Variants in WDR33 observed in about 807,000 individuals in gnomAD.
WDR33 encodes WD repeat domain 33.
WDR33 carries 47 observed loss-of-function variants against 164.9 expected under a neutral mutation model. The observed-to-expected ratio is 0.29, with a 90% confidence interval of 0.23 to 0.36. The LOEUF (loss-of-function observed/expected upper bound fraction) is 0.36, where lower values mean the gene tolerates loss of function less well. WDR33 is among the 10% of genes least tolerant of loss of function. The pLI, the probability that WDR33 is intolerant of heterozygous loss-of-function variation, is 1.00. For synonymous variants in WDR33, 505 were observed against 589.0 expected, an observed-to-expected ratio of 0.86 and a Z score of 2.06; for missense variants, 1,137 against 1,754.1, an observed-to-expected ratio of 0.65 and a Z score of 6.28.
chr2:127,750,666 AAAAAAAAAAAAATAT>A (rs1360188313), intron 7 of WDR33, among the ~76,000 whole-genome samples: 3 of 70,424 alleles, frequency 4.3e-5, no homozygotes, highest in East Asian at 3.8e-4. Flanking sequence ...AAAAAAAAAA[AAAAAAAAAAAAATAT>A]ATATATATAT....
chr2:127,728,411 A>G (rs1208485288), intron 7 of WDR33, among the ~76,000 whole-genome samples: 4 of 152,226 alleles, frequency 2.6e-5, no homozygotes, highest in African/African-American at 9.6e-5. Flanking sequence ...AAAGCCAAGA[A>G]GTCTAGACAC....
chr2:127,783,410 T>A (rs1688440420), intron 1 of WDR33, among the ~76,000 whole-genome samples: 1 of 152,142 alleles, frequency 6.6e-6, no homozygotes, highest in Admixed American at 6.6e-5. Flanking sequence ...CAGTGGAGAC[T>A]AATGTCAGGG....
At chr2:127,757,706 A>G (rs72846263) in intron 7 of WDR33, among the ~76,000 whole-genome samples, 9,989 of 152,294 alleles carry the variant, frequency 0.066, 439 homozygotes, top group Middle Eastern at 0.16. Context: ...AAAACCTTAT[A>G]GAAATAAATT....
Position 127,723,055 on chromosome 2 carries a change from TA to T in WDR33, c.1292-12del. On this transcript the variant is annotated splice_polypyrimidine_tract_variant and intron_variant, in intron 12 of 21. Coordinates refer to ENST00000322313, the MANE Select transcript of WDR33 (RefSeq NM_018383.5). This position sits in a 1 kb window ranked among gnomAD's most constrained non-coding sequence, Gnocchi z 5.9. ...TAGGTTCGAGGTCATCTATAAATAG[TA>T]ATACACCATTGTCAATAGAGAATTT... 1.3e-6 allele frequency: 2 copies of T among 1,593,690 alleles called. No individual in the cohort carries two copies. The highest frequency in any genetic ancestry group is 2.3e-5 in the South Asian group (2 of 86,624).
chr2:127,778,310 G>A (rs1037181195), intron 1 of WDR33, among the ~76,000 whole-genome samples: 4 of 151,812 alleles, frequency 2.6e-5, no homozygotes, highest in African/African-American at 4.8e-5. Flanking sequence ...GGTGGCTGAC[G>A]CCTGTAATCC....
chr2:127,799,837 T>C (rs895687327), intron 1 of WDR33, among the ~76,000 whole-genome samples: 7 of 152,332 alleles, frequency 4.6e-5, no homozygotes, highest in African/African-American at 1.7e-4. Flanking sequence ...GAGGCTGCAG[T>C]GCACTGTGAT....
chr2:127,782,879 G>A (rs914157893), intron 1 of WDR33, among the ~76,000 whole-genome samples: 6 of 152,104 alleles, frequency 3.9e-5, no homozygotes, highest in African/African-American at 1.4e-4. Flanking sequence ...TGTGGTGGCA[G>A]GCGCCTGTAG....
chr2:127,751,013 C>T (rs1687342788), intron 7 of WDR33, among the ~76,000 whole-genome samples: 1 of 151,562 alleles, frequency 6.6e-6, no homozygotes, highest in Non-Finnish European at 1.5e-5. Context: ...TGGGAACTTA[C>T]ATTTGCATGG....
At position 127,713,609 on chromosome 2, in the gene WDR33, T is replaced by C; in HGVS notation, c.3282A>G (p.Pro1094=). The part of the protein sequence containing the change: ...DERFPRDPED[P]RFRGRREESF... ...TTTCTTCTCTGCGCCCTCGAAAACG[T>C]GGGTCCTCGGGATCCCGGGGGAAAC... Residue 1094 remains proline (P), a synonymous_variant, in exon 18 of 22, where the codon CCA becomes CCG. Transcript: ENST00000322313. The surrounding 1 kb of genome is among the most constrained non-coding windows in gnomAD (Gnocchi z 6.2). 1 of 1,614,220 alleles carries C rather than the reference T, an allele frequency of 6.2e-7. No individual in the cohort carries two copies.
intron 7 of WDR33, among the ~76,000 whole-genome samples, chr2:127,749,281 T>A (rs561326816): frequency 1.1e-4 from 17 of 152,210 alleles, no homozygotes; most frequent in South Asian, 8.3e-4. Context: ...CTCCAGTGAG[T>A]TGTGATCGTG....
Position 127,724,226 on chromosome 2 carries a change from A to G in WDR33, c.1196+107T>C. On this transcript the variant is annotated intron_variant, in intron 11 of 21. Transcript: ENST00000322313. This position sits in a 1 kb window ranked among gnomAD's most constrained non-coding sequence, Gnocchi z 4.8. ...CACTACAAAAATATTCCCAAGAATA[A>G]GTTGGAATATAAATTACTATATCAA... 1.3e-6 allele frequency: 1 copy of G among 777,282 alleles called. No individual in the cohort carries two copies. The highest frequency in any genetic ancestry group is 2.9e-5 in the East Asian group (1 of 34,834). 48.1% of individuals were successfully genotyped at this position (777,282 alleles called of 1,614,324 possible).
In WDR33 at chr2:127,724,253, C is replaced by A; in HGVS notation, c.1196+80G>T. 1.8e-6 allele frequency: 2 copies of A among 1,102,430 alleles called. No individual in the cohort carries two copies. Among genetic ancestry groups the A allele is most frequent in the Admixed American group, 2.3e-5 (1 of 43,870 alleles). The allele number at this position is 1,102,430 out of a possible 1,614,324, so 68.3% of individuals were successfully genotyped here. A position where few individuals can be genotyped will look rare whatever the true frequency, so the allele number is the denominator to read the frequency against. On this transcript the variant is annotated intron_variant, in intron 11 of 21. Coordinates refer to ENST00000322313, the MANE Select transcript of WDR33 (RefSeq NM_018383.5). This position sits in a 1 kb window ranked among gnomAD's most constrained non-coding sequence, Gnocchi z 4.8. ...TTGGAATATAAATTACTATATCAAT[C>A]AACCAATAAAAATAAACACATACAG...
chr2:127,786,166 T>A (rs1393995729), intron 1 of WDR33, among the ~76,000 whole-genome samples: 1 of 152,218 alleles, frequency 6.6e-6, no homozygotes, highest in Admixed American at 6.5e-5. Context: ...CCTGAGTAGC[T>A]AAGCCCACAG....
At chr2:127,786,574 A>G (rs1688581162) in intron 1 of WDR33, among the ~76,000 whole-genome samples, 1 of 152,154 alleles carries the variant, frequency 6.6e-6, no homozygotes, top group Non-Finnish European at 1.5e-5. Context: ...TCCCAGCTAC[A>G]CAGGAGGCTA....
Position 127,720,246 on chromosome 2 carries a change from T to A in WDR33, c.1779A>T (p.Pro593=). ...GAAAACCTTGAGGAATCTGAGACAT[T>A]GGACCTTGTCCTGGAAAAGGCTGGG... is the stretch of plus-strand genomic sequence containing the variant. ...LGPQPFPGQG[P]MSQIPQGFQQ... is the part of the protein sequence containing the mutation. The change falls in exon 16 of 22, where the codon CCA becomes CCT. Residue 593 remains proline (P), a synonymous_variant. Coordinates refer to ENST00000322313, the MANE Select transcript of WDR33 (RefSeq NM_018383.5). This position sits in a 1 kb window ranked among gnomAD's most constrained non-coding sequence, Gnocchi z 5.9. The A allele has an allele frequency of 6.3e-7, 1 of 1,578,468 alleles. No homozygotes were observed. Among genetic ancestry groups the A allele is most frequent in the Non-Finnish European group, 8.6e-7 (1 of 1,161,652 alleles).
chr2:127,767,453 C>T (rs1480105471), intron 4 of WDR33, among the ~76,000 whole-genome samples: 1 of 152,150 alleles, frequency 6.6e-6, no homozygotes, highest in Non-Finnish European at 1.5e-5. Context: ...GTGGCTCATG[C>T]CTGTAATCCC....
At chr2:127,784,708 ACT>A (rs1197099087) in intron 1 of WDR33, among the ~76,000 whole-genome samples, 11 of 151,914 alleles carry the variant, frequency 7.2e-5, no homozygotes, top group Non-Finnish European at 1.3e-4. Context: ...AGCTTTTTAT[ACT>A]CTGTTACATT....
intron 3 of WDR33, among the ~76,000 whole-genome samples, chr2:127,768,547 T>G (rs1687893774): frequency 6.6e-6 from 1 of 152,146 alleles, no homozygotes; most frequent in Non-Finnish European, 1.5e-5. Context: ...CAGTACAAGT[T>G]AGTACAAGTA....
chr2:127,770,674 A>C lies in WDR33; in HGVS notation c.204+104T>G. On this transcript the variant is annotated intron_variant, in intron 2 of 21. Coordinates refer to ENST00000322313, the MANE Select transcript of WDR33 (RefSeq NM_018383.5). This position sits in a 1 kb window ranked among gnomAD's most constrained non-coding sequence, Gnocchi z 4.9. ...CCACTGCACTCTGGCCTGGGCAACA[A>C]GAAAGAAACTCCATCTCAAAATAAA... The C allele has an allele frequency of 1.1e-6, 1 of 889,706 alleles. No individual in the cohort carries two copies. Among genetic ancestry groups the C allele is most frequent in the Non-Finnish European group, 1.5e-6 (1 of 677,912 alleles). The allele number at this position is 889,706 out of a possible 1,614,324, so 55.1% of individuals were successfully genotyped here. A position where few individuals can be genotyped will look rare whatever the true frequency, so the allele number is the denominator to read the frequency against.
Sources: allele counts gnomAD v4.1 joint callset (sites outside exome capture counted in the v4.1 genomes callset), GRCh38; gene constraint gnomAD v4.1.1; non-coding constraint Gnocchi (gnomAD v3.1); transcripts MANE v1.5; gene names NCBI Gene and HGNC (gene_info 2026-07-23, HGNC 2026-07-21).